ENAH: variants seen among roughly 807,000 people sequenced by gnomAD.
ENAH encodes the protein ENAH actin regulator.
ENAH carries 23 observed loss-of-function variants against 78.7 expected under a neutral mutation model. That is an observed-to-expected ratio of 0.29 (90% CI 0.21 to 0.41). The LOEUF (loss-of-function observed/expected upper bound fraction) is 0.41. ENAH is among the 10% of genes least tolerant of loss of function. ENAH has a pLI of 1.00. For synonymous variants in ENAH, 226 were observed against 241.0 expected (o/e 0.94, Z 0.58); for missense variants, 544 against 691.0 (o/e 0.79, Z 2.39).
At chr1:225,597,553 A>C (rs1458317193) in intron 1 of ENAH, among the ~76,000 whole-genome samples, 3 of 151,172 alleles carry the variant, frequency 2.0e-5, no homozygotes, top group Non-Finnish European at 4.4e-5. Context: ...GCTACCCAGG[A>C]GCCCGAGACA....
At chr1:225,506,661 C>G (rs1303729855) in intron 11 of ENAH, among the ~76,000 whole-genome samples, 1 of 152,212 alleles carries the variant, frequency 6.6e-6, no homozygotes, top group Non-Finnish European at 1.5e-5. Flanking sequence ...TTCCCCCTTT[C>G]TTCTAAAGTA....
chr1:225,602,883 C>A (rs1238148449), intron 1 of ENAH, among the ~76,000 whole-genome samples: 1 of 152,054 alleles, frequency 6.6e-6, no homozygotes, highest in East Asian at 1.9e-4. Context: ...GTAATGCAAT[C>A]TCAAATTGCC....
intron 11 of ENAH, among the ~76,000 whole-genome samples, chr1:225,506,163 T>C (rs955769082): frequency 2.0e-5 from 3 of 152,186 alleles, no homozygotes; most frequent in Non-Finnish European, 4.4e-5. Flanking sequence ...TAGCTTTTAG[T>C]TCACTGTGAA....
intron 1 of ENAH, among the ~76,000 whole-genome samples, chr1:225,613,513 A>G (rs993180497): frequency 6.6e-6 from 1 of 152,168 alleles, no homozygotes; most frequent in African/African-American, 2.4e-5. Flanking sequence ...TGTCAATTTT[A>G]TGTGTAATAA....
chr1:225,499,097 A>G (rs1390069850), intron 12 of ENAH, among the ~76,000 whole-genome samples: 1 of 152,200 alleles, frequency 6.6e-6, no homozygotes, highest in Non-Finnish European at 1.5e-5. Flanking sequence ...ATAATGTAAA[A>G]TAACTCGTTA....
intron 11 of ENAH, among the ~76,000 whole-genome samples, chr1:225,507,638 G>C (rs1034883345): frequency 6.6e-6 from 1 of 152,056 alleles, no homozygotes; most frequent in Non-Finnish European, 1.5e-5. Context: ...ATGGGTATAC[G>C]CATATTCACT....
rs541670135 is a variant in ENAH at position 225,502,955 on chromosome 1, T to C, written c.1539-1885A>G. 7.2e-4 allele frequency among the ~76,000 whole-genome samples: 110 copies of C among 152,374 alleles called. 1 individual carries two copies. The highest frequency in any genetic ancestry group is 2.5e-3 in the African/African-American group (103 of 41,596). On this transcript the variant is annotated intron_variant, in intron 11 of 13. Transcript: ENST00000366843. ...TTATTTTCTCAAGTTATATAATGAA[T>C]ACCTCTGAAATTCACATGAACTACA...
chr1:225,653,288 C>G (rs866185405), upstream of ENAH: 7 of 151,218 alleles, frequency 4.6e-5, no homozygotes, highest in Non-Finnish European at 8.9e-5. This position sits in a 1 kb window ranked among gnomAD's most constrained non-coding sequence, Gnocchi z 4.3. Context: ...GGCGGCCGGG[C>G]CCCCGCCGGA....
intron 13 of ENAH, 63 bp from the exon 14 acceptor site, chr1:225,497,875 T>C (rs2096257748): frequency 6.9e-7 from 1 of 1,457,704 alleles, no homozygotes; most frequent in African/African-American, 1.4e-5. Flanking sequence ...AATGAGTGAT[T>C]CATTCCTAAG....
At chr1:225,614,476 A>G (rs1013535833) in intron 1 of ENAH, among the ~76,000 whole-genome samples, 2 of 152,174 alleles carry the variant, frequency 1.3e-5, no homozygotes, top group African/African-American at 4.8e-5. Flanking sequence ...TGTACCCCCA[A>G]TCGCTGCACT....
At position 225,582,222 on chromosome 1, in the gene ENAH, C is replaced by T. The variant is rs1035016921; in HGVS notation, c.6-14808G>A. Among the ~76,000 whole-genome samples, 8 of 152,232 alleles carry T rather than the reference C, an allele frequency of 5.3e-5. No individual in the cohort carries two copies. The East Asian group carries it at 5.8e-4, about 11-fold the overall frequency. ...AAGTGCCAGCTCCCCCTTTGCCTTC[C>T]GCCATGACTGTAAGTTTCCTGAGGC... On this transcript the variant is annotated intron_variant, in intron 1 of 13. Transcript: ENST00000366843.
intron 1 of ENAH, among the ~76,000 whole-genome samples, chr1:225,580,962 G>A (rs995191620): frequency 7.7e-5 from 8 of 103,814 alleles, no homozygotes; most frequent in African/African-American, 1.8e-4. Flanking sequence ...CATAAGCTCC[G>A]TGACTTTTAG....
At chr1:225,631,795 G>GTTGTTTTGTT (rs149710975) in intron 1 of ENAH, among the ~76,000 whole-genome samples, 4 of 151,884 alleles carry the variant, frequency 2.6e-5, no homozygotes, top group Non-Finnish European at 5.9e-5. Context: ...GCAAGAGTTA[G>GTTGTTTTGTT]TTGTTTTGTT....
Position 225,512,687 on chromosome 1 carries a change from T to C in ENAH, c.1392A>G (p.Thr464=), listed in dbSNP as rs141466987. ...TGTCCTCTTTTTGTTCTGTTTCTAT[T>C]GTTGATCCCTTTTCAGCAATTCTTC... ...RRRRIAEKGS[T]IETEQKEDKG... is the part of the protein sequence containing the mutation. The change falls in exon 9 of 14, where the codon ACA becomes ACG. Residue 464 remains threonine (T), a synonymous_variant. Coordinates refer to ENST00000366843, the MANE Select transcript of ENAH (RefSeq NM_018212.6). The C allele has an allele frequency of 3.5e-5, 56 of 1,613,742 alleles. No homozygotes were observed. The highest frequency in any genetic ancestry group is 1.6e-4 in the Middle Eastern group (1 of 6,084).
At chr1:225,563,007 C>A (rs2096716237) in intron 2 of ENAH, among the ~76,000 whole-genome samples, 1 of 150,956 alleles carries the variant, frequency 6.6e-6, no homozygotes, top group South Asian at 2.1e-4. Flanking sequence ...GAATGAAAGA[C>A]AGAAAACCAA....
intron 4 of ENAH, chr1:225,524,765 A>T: frequency 5.9e-6 from 3 of 511,044 alleles, no homozygotes; most frequent in African/African-American, 2.1e-5. Flanking sequence ...CTATTTATAG[A>T]TATTAACTAT....
chr1:225,646,252 T>A (rs1398702443), intron 1 of ENAH, among the ~76,000 whole-genome samples: 1 of 152,092 alleles, frequency 6.6e-6, no homozygotes. Flanking sequence ...ACCCTCAATG[T>A]GACTCTATTT....
chr1:225,589,387 C>T (rs2096864150), intron 1 of ENAH, among the ~76,000 whole-genome samples: 1 of 152,122 alleles, frequency 6.6e-6, no homozygotes, highest in South Asian at 2.1e-4. Flanking sequence ...GTGCTGACTA[C>T]AACTTACTTT....
At position 225,653,123 on chromosome 1, in the gene ENAH, C is replaced by T. The variant is rs1663362944; in HGVS notation, c.-433G>A. On this transcript the variant is annotated 5_prime_UTR_variant, in exon 1 of 14. Coordinates refer to ENST00000366843, the MANE Select transcript of ENAH (RefSeq NM_018212.6). This position sits in a 1 kb window ranked among gnomAD's most constrained non-coding sequence, Gnocchi z 4.3. ...GCTGCTGCAGCCGCGGGAGGAGAGT[C>T]GGGATCGCCGCGAGGAACCCGGGAG... 3 of 151,538 alleles carry T rather than the reference C, an allele frequency of 2.0e-5. No homozygotes were observed. Among genetic ancestry groups the T allele is most frequent in the African/African-American group, 7.3e-5 (3 of 41,292 alleles). 9.4% of individuals were successfully genotyped at this position (151,538 alleles called of 1,614,324 possible). A position where few individuals can be genotyped will look rare whatever the true frequency, so the allele number is the denominator to read the frequency against.
Sources: gnomAD v4.1 joint callset for allele counts (sites outside exome capture counted in the v4.1 genomes callset) on GRCh38, gnomAD v4.1.1 for gene constraint, Gnocchi (gnomAD v3.1) non-coding constraint, MANE v1.5 for transcripts, NCBI Gene and HGNC (gene_info 2026-07-23, HGNC 2026-07-21) for gene names.